PALS2: variants seen among roughly 807,000 people sequenced by gnomAD.
The protein encoded by PALS2 is protein PALS2.
In PALS2, 27 loss-of-function variants were observed where a neutral mutation model predicts 61.6. The ratio of observed to expected loss-of-function variants is 0.44; its 90% CI spans 0.32 to 0.60. The LOEUF (loss-of-function observed/expected upper bound fraction) is 0.60. Ranked by LOEUF, PALS2 falls within the 20% of genes least tolerant of loss-of-function variation. The probability of loss-of-function intolerance (pLI) is 0.05; values close to 1 mark genes in which losing one functional copy is unlikely to be tolerated. For missense variants in PALS2, 554 were observed against 639.4 expected, an observed-to-expected ratio of 0.87 and a Z score of 1.44; for synonymous variants, 236 against 218.6, an observed-to-expected ratio of 1.08 and a Z score of -0.70.
intron 1 of PALS2, among the ~76,000 whole-genome samples, chr7:24,588,964 A>G (rs1783177660): frequency 6.6e-6 from 1 of 152,226 alleles, no homozygotes; most frequent in African/African-American, 2.4e-5. Context: ...TATAAAATAT[A>G]ATTCCAGTCT....
chr7:24,641,856 A>G lies in PALS2; in HGVS notation c.258A>G (p.Glu86=). The G allele has an allele frequency of 6.2e-7, 1 of 1,612,064 alleles. No individual in the cohort carries two copies. Among genetic ancestry groups the G allele is most frequent in the African/African-American group, 1.3e-5 (1 of 74,922 alleles). ...CAGAATTGGTTGGTATACTCAAAGA[A>G]CCTCACTTCCAGGTAACTTTCCCTA... ...NVAELVGILK[E]PHFQSLLEAH... is the part of the protein sequence containing the mutation. The change falls in exon 3 of 12, where the codon GAA becomes GAG. Residue 86 remains glutamate (E), a synonymous_variant. Transcript: ENST00000222644.
At position 24,623,769 on chromosome 7, in the gene PALS2, A is replaced by G. The variant is rs751824990; in HGVS notation, c.102A>G (p.Val34=). The G allele has an allele frequency of 1.3e-6, 2 of 1,566,854 alleles. No individual in the cohort carries two copies. Among genetic ancestry groups the G allele is most frequent in the South Asian group, 1.1e-5 (1 of 87,256 alleles). Residue 34 remains valine (V), a synonymous_variant, in exon 2 of 12, where the codon GTA becomes GTG. Transcript: ENST00000222644. Reference sequence around the variant, plus strand: ...AGGGAATTATGGAGAATCCTATTGTAAAATCACTTGCTAAGGTATATAGAT... The same window carrying G: ...AGGGAATTATGGAGAATCCTATTGTGAAATCACTTGCTAAGGTATATAGAT... ...FLKGIMENPI[V]KSLAKAHERL... is the part of the protein sequence containing the mutation.
chr7:24,619,578 CGTGGTG>C (rs1784415680), intron 1 of PALS2, among the ~76,000 whole-genome samples: 1 of 151,774 alleles, frequency 6.6e-6, no homozygotes, highest in South Asian at 2.1e-4. Flanking sequence ...ATTAGCTGGC[CGTGGTG>C]GTGGGTGCCT....
At chr7:24,626,211 T>C (rs1016764134) in intron 2 of PALS2, among the ~76,000 whole-genome samples, 1 of 152,048 alleles carries the variant, frequency 6.6e-6, no homozygotes, top group Non-Finnish European at 1.5e-5. Flanking sequence ...TATCTGAAAT[T>C]AGTTCACTGA....
chr7:24,665,746 C>G, intron 7 of PALS2, 59 bp downstream of exon 7: 3 of 1,464,506 alleles, frequency 2.0e-6, no homozygotes, highest in Non-Finnish European at 1.9e-6. Flanking sequence ...TTCTTTGTCT[C>G]TTTTGTCTAA....
chr7:24,614,996 A>G (rs921141197), intron 1 of PALS2, among the ~76,000 whole-genome samples: 1 of 152,018 alleles, frequency 6.6e-6, no homozygotes. Flanking sequence ...CAAGAGAAAC[A>G]TAAAACTGTA....
At chr7:24,607,462 A>ATCTC (rs149774477) in intron 1 of PALS2, among the ~76,000 whole-genome samples, 1 of 148,414 alleles carries the variant, frequency 6.7e-6, no homozygotes, top group Non-Finnish European at 1.5e-5. Context: ...ATGTATGTGT[A>ATCTC]TCTCTCTCTC....
At chr7:24,637,376 T>C (rs1392474202) in intron 2 of PALS2, among the ~76,000 whole-genome samples, 1 of 151,280 alleles carries the variant, frequency 6.6e-6, no homozygotes, top group East Asian at 1.9e-4. Flanking sequence ...AATTGAGTTC[T>C]CCATTCTCTC....
chr7:24,625,843 G>A (rs542029767), intron 2 of PALS2, among the ~76,000 whole-genome samples: 1 of 152,224 alleles, frequency 6.6e-6, no homozygotes, highest in South Asian at 2.1e-4. Flanking sequence ...AACAATGGTA[G>A]TTCAGTATTC....
At chr7:24,641,421 G>A (rs1437512143) in intron 2 of PALS2, among the ~76,000 whole-genome samples, 1 of 151,802 alleles carries the variant, frequency 6.6e-6, no homozygotes, top group African/African-American at 2.4e-5. Context: ...GGTGGTAAGG[G>A]ACTGTAATAG....
chr7:24,595,804 G>A (rs1172461868), intron 1 of PALS2, among the ~76,000 whole-genome samples: 2 of 151,188 alleles, frequency 1.3e-5, no homozygotes, highest in African/African-American at 4.9e-5. Flanking sequence ...TTACTTTCTG[G>A]GGAGGTAATA....
chr7:24,670,187 C>A (rs934904629), intron 9 of PALS2, among the ~76,000 whole-genome samples: 1 of 152,178 alleles, frequency 6.6e-6, no homozygotes, highest in African/African-American at 2.4e-5. Flanking sequence ...AGTTCAATTT[C>A]ACTTTCTTGA....
Position 24,692,741 on chromosome 7 carries a change from A to G in PALS2, c.*5127A>G, listed in dbSNP as rs558594312. On this transcript the variant is annotated 3_prime_UTR_variant, in exon 12 of 12. Coordinates refer to ENST00000222644, the MANE Select transcript of PALS2 (RefSeq NM_001303037.2). Reference sequence around the variant, plus strand: ...CTCACAAATCAAACAAAATGTAAGCAAGCAATCCAGTACTCGGTTACACCA... The same window carrying G: ...CTCACAAATCAAACAAAATGTAAGCGAGCAATCCAGTACTCGGTTACACCA... The G allele has an allele frequency of 2.4e-4, 37 of 152,306 alleles. 1 individual carries two copies. The highest frequency in any genetic ancestry group is 8.9e-4 in the African/African-American group (37 of 41,566). 9.4% of individuals were successfully genotyped at this position (152,306 alleles called of 1,614,324 possible). A position where few individuals can be genotyped will look rare whatever the true frequency, so the allele number is the denominator to read the frequency against.
chr7:24,609,074 A>G (rs2128051257), intron 1 of PALS2, among the ~76,000 whole-genome samples: 1 of 152,310 alleles, frequency 6.6e-6, no homozygotes, highest in African/African-American at 2.4e-5. Flanking sequence ...ATTCTCTTCT[A>G]TTCTCAGCAC....
At chr7:24,614,999 A>G (rs1784242307) in intron 1 of PALS2, among the ~76,000 whole-genome samples, 1 of 152,000 alleles carries the variant, frequency 6.6e-6, no homozygotes, top group East Asian at 1.9e-4. Flanking sequence ...GAGAAACATA[A>G]AACTGTACAA....
chr7:24,578,544 C>T (rs1378247043), intron 1 of PALS2, among the ~76,000 whole-genome samples: 3 of 152,182 alleles, frequency 2.0e-5, no homozygotes, highest in South Asian at 2.1e-4. Context: ...CACATCATAT[C>T]GTTTCTCTCT....
chr7:24,592,694 G>A (rs923353271), intron 1 of PALS2, among the ~76,000 whole-genome samples: 4 of 152,096 alleles, frequency 2.6e-5, no homozygotes, highest in African/African-American at 9.7e-5. Flanking sequence ...TTATTTCCCA[G>A]TGCATGTAAA....
At chr7:24,627,694 G>T (rs759598433) in intron 2 of PALS2, among the ~76,000 whole-genome samples, 1 of 152,130 alleles carries the variant, frequency 6.6e-6, no homozygotes, top group Non-Finnish European at 1.5e-5. Context: ...TACCATCACT[G>T]ATCCCGCAGA....
intron 9 of PALS2, chr7:24,674,397 G>C (rs1787456226): frequency 6.5e-6 from 1 of 153,246 alleles, no homozygotes; most frequent in African/African-American, 2.4e-5. Flanking sequence ...ATATGATTCA[G>C]CTCTTCAGTG....
Sources: allele counts gnomAD v4.1 joint callset (sites outside exome capture counted in the v4.1 genomes callset), GRCh38; gene constraint gnomAD v4.1.1; transcripts MANE v1.5; gene names NCBI Gene and HGNC (gene_info 2026-07-23, HGNC 2026-07-21).